Variants in BAHCC1 observed in about 807,000 individuals in gnomAD.
BAHCC1 encodes BAH domain and coiled-coil containing 1, also known as BAH and coiled-coil domain-containing protein 1.
Under a neutral mutation model 88.2 loss-of-function variants are expected in BAHCC1, and 43 were observed. The ratio of observed to expected loss-of-function variants is 0.49; its 90% CI spans 0.38 to 0.63. The LOEUF is 0.63. BAHCC1 is among the 20% of genes least tolerant of loss of function. The pLI is 0.00. For synonymous variants in BAHCC1, 1,510 were observed against 745.5 expected (o/e 2.03, Z -16.71); for missense variants, 3,023 against 1,654.8 (o/e 1.83, Z -14.34).
intron 5 of BAHCC1, 24 bp downstream of exon 5, chr17:81,443,588 A>G (rs1555653388): frequency 1.6e-6 from 1 of 621,730 alleles, no homozygotes; most frequent in East Asian, 2.7e-5. Context: ...ACAGAGAGGG[A>G]GGCAGGCCGG....
chr17:81,421,669 C>T (rs1183309877), intron 2 of BAHCC1, among the ~76,000 whole-genome samples: 1 of 152,200 alleles, frequency 6.6e-6, no homozygotes, highest in African/African-American at 2.4e-5. Context: ...TGTGCAGGGC[C>T]CCTGCTCACG....
chr17:81,442,305 G>C lies in BAHCC1; in HGVS notation c.956G>C (p.Arg319Pro). 1 of 652,494 alleles carries C rather than the reference G, an allele frequency of 1.5e-6. No homozygotes were observed. Among genetic ancestry groups the C allele is most frequent in the Non-Finnish European group, 2.8e-6 (1 of 362,456 alleles). The allele number at this position is 652,494 out of a possible 1,614,324, so 40.4% of individuals were successfully genotyped here. A position where few individuals can be genotyped will look rare whatever the true frequency, so the allele number is the denominator to read the frequency against. Reference sequence around the variant, plus strand: ...GGCACGGGGGTGGTGACCTCCGGGCGCTGTGCAAAGGAGGCAGCAGGCCCC... The same window carrying C: ...GGCACGGGGGTGGTGACCTCCGGGCCCTGTGCAAAGGAGGCAGCAGGCCCC... ...RPGTGVVTSG[R>P]CAKEAAGPPE... Residue 319 changes from arginine to proline, a missense_variant, in exon 5 of 28, where the codon CGC (arginine) becomes CCC (proline). Physicochemically the swap from Arg to Pro is moderately radical, Grantham distance 103. Transcript: ENST00000675386.
At chr17:81,459,229 C>T (rs577304275) in intron 21 of BAHCC1, 24 bp from the exon 22 acceptor site, 26 of 777,142 alleles carry the variant, frequency 3.3e-5, no homozygotes, top group Middle Eastern at 2.3e-4. Flanking sequence ...ACCCGTGGCA[C>T]CTCACATTCC....
At chr17:81,400,991 T>G (rs1185621793) in intron 2 of BAHCC1, 1 of 152,346 alleles carries the variant, frequency 6.6e-6, no homozygotes, top group Non-Finnish European at 1.5e-5. Flanking sequence ...GTTCTAAACA[T>G]CAGAAATGTT....
intron 4 of BAHCC1, among the ~76,000 whole-genome samples, chr17:81,440,205 C>T (rs1048685944): frequency 2.6e-5 from 4 of 152,218 alleles, no homozygotes; most frequent in African/African-American, 7.2e-5. Flanking sequence ...TCAGCCCCAG[C>T]GCGTGCAGTT....
chr17:81,415,149 T>C (rs1230799452), intron 2 of BAHCC1, among the ~76,000 whole-genome samples: 1 of 152,228 alleles, frequency 6.6e-6, no homozygotes, highest in African/African-American at 2.4e-5. Context: ...GGAGGGCACC[T>C]GGCCGTGTGA....
chr17:81,461,817 C>T lies in BAHCC1; in HGVS notation c.7154C>T (p.Ala2385Val), dbSNP rs782210148. The stretch of plus-strand genomic sequence containing the variant: ...CGCTCCAAGGGCAGCGGCCCTCACG[C>T]GCATGCCCAGCGCTGCTTCCTGTCC... Reference protein sequence around the residue: ...ALRSKGSGPHAHAQRCFLSRA... With the variant: ...ALRSKGSGPHVHAQRCFLSRA... The change falls in exon 26 of 28, where the codon GCG becomes GTG. Residue 2385 changes from alanine to valine, a missense_variant. Ala to Val is a moderately conservative substitution (Grantham distance 64). Transcript: ENST00000675386. 2.5e-5 allele frequency: 18 copies of T among 717,568 alleles called. No homozygotes were observed. The highest frequency in any genetic ancestry group is 4.0e-5 in the Admixed American group (2 of 50,078). 44.5% of individuals were successfully genotyped at this position (717,568 alleles called of 1,614,324 possible).
At chr17:81,430,969 G>A (rs2064253476) in intron 3 of BAHCC1, among the ~76,000 whole-genome samples, 1 of 150,548 alleles carries the variant, frequency 6.6e-6, no homozygotes, top group South Asian at 2.1e-4. Flanking sequence ...GGATGCGAGG[G>A]ACAGCGTGGG....
chr17:81,443,125 C>T lies in BAHCC1; in HGVS notation c.1776C>T (p.Thr592=), dbSNP rs372054771. The T allele has an allele frequency of 8.2e-5, 64 of 777,650 alleles. No individual in the cohort carries two copies. The highest frequency in any genetic ancestry group is 7.8e-4 in the African/African-American group (46 of 59,128). 48.2% of individuals were successfully genotyped at this position (777,650 alleles called of 1,614,324 possible). A position where few individuals can be genotyped will look rare whatever the true frequency, so the allele number is the denominator to read the frequency against. Residue 592 remains threonine, a synonymous_variant, in exon 5 of 28, where the codon ACC becomes ACT. Coordinates refer to ENST00000675386, the MANE Select transcript of BAHCC1 (RefSeq NM_001377448.1). ...GGGGTGTCCAGGCAGGCCAGGGCAC[C>T]GCCATGGCCATCAGCGAGGAGCGCA... ...PPWGVQAGQG[T]AMAISEERKA... is the part of the protein sequence containing the mutation.
In BAHCC1 at chr17:81,442,193, T is replaced by G; in HGVS notation, c.844T>G (p.Ser282Ala). ...CGAGGGCCGCCCCAAGCACCTCACC[T>G]CCTGCCTCCTCAACACCAAGGTGCT... is the stretch of plus-strand genomic sequence containing the variant. ...ACEGRPKHLT[S>A]CLLNTKVLNG... The change falls in exon 5 of 28, where the codon TCC becomes GCC. Residue 282 changes from serine (S) to alanine (A), a missense_variant. By Grantham distance (99) the Ser-to-Ala change is moderately conservative. Coordinates refer to ENST00000675386, the MANE Select transcript of BAHCC1 (RefSeq NM_001377448.1). 1.5e-6 allele frequency: 1 copy of G among 658,406 alleles called. No individual in the cohort carries two copies. Among genetic ancestry groups the G allele is most frequent in the African/African-American group, 1.9e-5 (1 of 53,062 alleles). 40.8% of individuals were successfully genotyped at this position (658,406 alleles called of 1,614,324 possible). A position where few individuals can be genotyped will look rare whatever the true frequency, so the allele number is the denominator to read the frequency against.
In BAHCC1 at chr17:81,442,896, C is replaced by A; in HGVS notation, c.1547C>A (p.Ala516Asp). 1.3e-6 allele frequency: 1 copy of A among 779,170 alleles called. No individual in the cohort carries two copies. The highest frequency in any genetic ancestry group is 2.4e-6 in the Non-Finnish European group (1 of 417,802). 48.3% of individuals were successfully genotyped at this position (779,170 alleles called of 1,614,324 possible). ...PGHQDPLGGKAPQACCTLDKT... is the reference protein window; with the variant it reads ...PGHQDPLGGKDPQACCTLDKT... ...CACCAGGACCCGCTGGGCGGGAAGGCCCCCCAGGCCTGCTGCACTTTAGAT... is the reference window on the plus strand; with the variant it reads ...CACCAGGACCCGCTGGGCGGGAAGGACCCCCAGGCCTGCTGCACTTTAGAT... Residue 516 changes from alanine (A) to aspartate (D), a missense_variant, in exon 5 of 28, where the codon GCC (alanine) becomes GAC (aspartate). Physicochemically the swap from Ala to Asp is moderately radical, Grantham distance 126. Coordinates refer to ENST00000675386, the MANE Select transcript of BAHCC1 (RefSeq NM_001377448.1).
At position 81,435,539 on chromosome 17, in the gene BAHCC1, G is replaced by A. The variant is rs567285990; in HGVS notation, c.359-2831G>A. 6.0e-5 allele frequency: 28 copies of A among 469,476 alleles called. No individual in the cohort carries two copies. Among genetic ancestry groups the A allele is most frequent in the Admixed American group, 1.2e-4 (5 of 42,488 alleles). The allele number at this position is 469,476 out of a possible 1,614,324, so 29.1% of individuals were successfully genotyped here. Reference sequence around the variant, plus strand: ...TGTTGGGGTGATCATAAAAGCTCCCGTCTCAAAGGGGTCTGGGAAGGGGAG... The same window carrying A: ...TGTTGGGGTGATCATAAAAGCTCCCATCTCAAAGGGGTCTGGGAAGGGGAG... On this transcript the variant is annotated intron_variant, in intron 3 of 27. Coordinates refer to ENST00000675386, the MANE Select transcript of BAHCC1 (RefSeq NM_001377448.1). The surrounding 1 kb of genome is among the most constrained non-coding windows in gnomAD (Gnocchi z 4.4).
rs1555659090 is a variant in BAHCC1 at position 81,461,027 on chromosome 17, C to G, written c.6364C>G (p.Leu2122Val). ...CAAGGGGCCGGGGGTGCTGCAGAAC[C>G]TCTTCCAGCTCAACGGCAGCAGCAA... ...ASKGPGVLQN[L>V]FQLNGSSKKL... The change falls in exon 26 of 28, where the codon CTC (leucine) becomes GTC (valine). Residue 2122 changes from leucine (L) to valine (V), a missense_variant. By Grantham distance (32) the Leu-to-Val change is conservative. Transcript: ENST00000675386. 1 of 773,014 alleles carries G rather than the reference C, an allele frequency of 1.3e-6. No individual in the cohort carries two copies. 47.9% of individuals were successfully genotyped at this position (773,014 alleles called of 1,614,324 possible).
At chr17:81,421,254 G>T (rs1044487724) in intron 2 of BAHCC1, among the ~76,000 whole-genome samples, 2 of 152,232 alleles carry the variant, frequency 1.3e-5, no homozygotes, top group East Asian at 3.9e-4. Flanking sequence ...TGGCCCACAC[G>T]GTCTGGCCCT....
intron 11 of BAHCC1, among the ~76,000 whole-genome samples, chr17:81,450,679 A>C (rs1355738396): frequency 1.3e-5 from 2 of 152,130 alleles, no homozygotes; most frequent in Non-Finnish European, 2.9e-5. Context: ...TGGTGCTCTG[A>C]GGGAGGATGG....
chr17:81,461,123 C>T lies in BAHCC1; in HGVS notation c.6460C>T (p.Arg2154Cys), dbSNP rs781855634. Reference sequence around the variant, plus strand: ...CACACCCATATTTGGCAACGGCTTCCGCGCCGACTCCTTCAGCAGCCTGGC... The same window carrying T: ...CACACCCATATTTGGCAACGGCTTCTGCGCCGACTCCTTCAGCAGCCTGGC... ...VATPIFGNGFRADSFSSLASS... is the reference protein window; with the variant it reads ...VATPIFGNGFCADSFSSLASS... Residue 2154 changes from arginine to cysteine, a missense_variant, in exon 26 of 28, where the codon CGC becomes TGC. Transcript: ENST00000675386. The T allele has an allele frequency of 1.8e-5, 14 of 764,086 alleles. No individual in the cohort carries two copies. The African/African-American group carries it at 1.9e-4, about 10-fold the overall frequency. 47.3% of individuals were successfully genotyped at this position (764,086 alleles called of 1,614,324 possible).
At chr17:81,401,183 G>A (rs917858327) in intron 2 of BAHCC1, 2 of 152,364 alleles carry the variant, frequency 1.3e-5, no homozygotes, top group African/African-American at 2.4e-5. Flanking sequence ...AAAGAAAAAC[G>A]TACATTTTCT....
rs1555658935 is a variant in BAHCC1 at position 81,460,634 on chromosome 17, T to C, written c.6130T>C (p.Ser2044Pro). 2.6e-6 allele frequency: 2 copies of C among 771,398 alleles called. No individual in the cohort carries two copies. The highest frequency in any genetic ancestry group is 2.4e-6 in the Non-Finnish European group (1 of 414,248). 47.8% of individuals were successfully genotyped at this position (771,398 alleles called of 1,614,324 possible). Residue 2044 changes from serine to proline, a missense_variant, in exon 25 of 28, where the codon TCC becomes CCC. Transcript: ENST00000675386. ...PPSEAATPSL[S>P]PKAQDGPEAL... The stretch of plus-strand genomic sequence containing the variant: ...TAGTGAAGCCGCCACCCCCAGCCTG[T>C]CCCCCAAAGCACAGGACGGCCCCGA...
At position 81,444,370 on chromosome 17, in the gene BAHCC1, A is replaced by C. The variant is rs2064481431; in HGVS notation, c.2325-11A>C. 1.4e-6 allele frequency: 1 copy of C among 729,550 alleles called. No homozygotes were observed. Among genetic ancestry groups the C allele is most frequent in the African/African-American group, 1.7e-5 (1 of 57,688 alleles). 45.2% of individuals were successfully genotyped at this position (729,550 alleles called of 1,614,324 possible). ...GGCGCCGGCGGCAGGGCTGAGCCCC[A>C]GGTCTTACAGGGACAGCAAAGACCG... On this transcript the variant is annotated splice_polypyrimidine_tract_variant and intron_variant, in intron 6 of 27. Transcript: ENST00000675386.
Sources: gnomAD v4.1 joint callset for allele counts (sites outside exome capture counted in the v4.1 genomes callset) on GRCh38, gnomAD v4.1.1 for gene constraint, Gnocchi (gnomAD v3.1) non-coding constraint, MANE v1.5 for transcripts, NCBI Gene and HGNC (gene_info 2026-07-23, HGNC 2026-07-21) for gene names.